ADAMTSL5: variants seen among roughly 807,000 people sequenced by gnomAD.
ADAMTSL5 encodes the protein ADAMTS like 5.
A neutral mutation model predicts 51.7 loss-of-function variants in ADAMTSL5; 53 were observed. That is an observed-to-expected ratio of 1.03 (90% CI 0.82 to 1.29). The LOEUF is 1.29. Among genes scored for constraint, ADAMTSL5 ranks in the 50% most tolerant of loss-of-function variants. The probability of loss-of-function intolerance (pLI) is 0.00; values close to 1 mark genes in which losing one functional copy is unlikely to be tolerated. For missense variants in ADAMTSL5, 770 were observed against 676.2 expected (o/e 1.14, Z -1.54); for synonymous variants, 285 against 278.7 (o/e 1.02, Z -0.23).
At position 1,506,786 on chromosome 19, in the gene ADAMTSL5, G is replaced by GGGGGCTGAGGCTCCACCCCCC; in HGVS notation, c.974_994dup (p.Arg325_Pro331dup). ...TGCAGGGGTGACAGCAGGGGCTGCG[G>GGGGGCTGAGGCTCCACCCCCC]GGGGCTGAGGCTCCACCCCCCGGGG... On this transcript the variant is annotated inframe_insertion, in exon 10 of 12. Coordinates refer to ENST00000330475, the MANE Select transcript of ADAMTSL5 (RefSeq NM_213604.3). This position sits in a 1 kb window ranked among gnomAD's most constrained non-coding sequence, Gnocchi z 5.6. 16 of 1,542,680 alleles carry GGGGGCTGAGGCTCCACCCCCC rather than the reference G, an allele frequency of 1.0e-5. No homozygotes were observed. The highest frequency in any genetic ancestry group is 1.2e-5 in the Non-Finnish European group (14 of 1,145,080).
At position 1,506,439 on chromosome 19, in the gene ADAMTSL5, C is replaced by G; in HGVS notation, c.1115-123G>C. The G allele has an allele frequency of 1.4e-6, 2 of 1,451,122 alleles. No individual in the cohort carries two copies. The highest frequency in any genetic ancestry group is 9.4e-7 in the Non-Finnish European group (1 of 1,062,334). The allele number at this position is 1,451,122 out of a possible 1,614,324, so 89.9% of individuals were successfully genotyped here. A position where few individuals can be genotyped will look rare whatever the true frequency, so the allele number is the denominator to read the frequency against. On this transcript the variant is annotated intron_variant, in intron 11 of 11. Transcript: ENST00000330475. This position sits in a 1 kb window ranked among gnomAD's most constrained non-coding sequence, Gnocchi z 5.6. ...CCTCGGGATCTATAGGGACTAGAGT[C>G]AGGATCACGTCAGGGATCAATGAGG...
rs1051819592 is a variant in ADAMTSL5 at position 1,512,573 on chromosome 19, G to A, written c.-218+390C>T. ...TGCACACCTGTAATCCCAGCTACTT[G>A]GGAGGCTAAGGCAGGAGAATCGCTT... On this transcript the variant is annotated intron_variant, in intron 1 of 11. Coordinates refer to ENST00000330475, the MANE Select transcript of ADAMTSL5 (RefSeq NM_213604.3). Among the ~76,000 whole-genome samples, 3 of 152,192 alleles carry A rather than the reference G, an allele frequency of 2.0e-5. No homozygotes were observed. In the East Asian group the frequency reaches 5.8e-4, roughly 29 times the overall value.
At chr19:1,511,889 G>C in intron 1 of ADAMTSL5, 1 of 282,584 alleles carries the variant, frequency 3.5e-6, no homozygotes, top group Non-Finnish European at 7.3e-6. Flanking sequence ...AGGTCCGTTC[G>C]GTGCCTCATG....
Position 1,510,849 on chromosome 19 carries a change from G to A in ADAMTSL5, c.95C>T (p.Ala32Val), listed in dbSNP as rs894222748. Reference protein sequence around the residue: ...ALLNCGLGVSAQGPGEWTPWV... With the variant: ...ALLNCGLGVSVQGPGEWTPWV... Reference sequence around the variant, plus strand: ...TGGGCTCATGCCCCCCCTTACCTGAGCACTGACCCCCAAACCACAGTTCAG... The same window carrying A: ...TGGGCTCATGCCCCCCCTTACCTGAACACTGACCCCCAAACCACAGTTCAG... Residue 32 changes from alanine (A) to valine (V), a missense_variant, in exon 2 of 12, where the codon GCT (alanine) becomes GTT (valine). Coordinates refer to ENST00000330475, the MANE Select transcript of ADAMTSL5 (RefSeq NM_213604.3). 1.3e-6 allele frequency: 2 copies of A among 1,546,482 alleles called. No individual in the cohort carries two copies. The highest frequency in any genetic ancestry group is 1.7e-6 in the Non-Finnish European group (2 of 1,153,156).
chr19:1,507,782 GTTACAA>G, intron 7 of ADAMTSL5, 139 bp from the exon 8 acceptor site: 2 of 1,029,658 alleles, frequency 1.9e-6, no homozygotes, highest in Non-Finnish European at 1.4e-6. Flanking sequence ...AACGTTTGGA[GTTACAA>G]TTACTATTGC....
rs375952762 is a variant in ADAMTSL5, at chr19:1,506,546, C to G, written c.1114+44G>C. 2 of 1,591,872 alleles carry G rather than the reference C, an allele frequency of 1.3e-6. No homozygotes were observed. The highest frequency in any genetic ancestry group is 4.5e-5 in the East Asian group (2 of 44,232). Reference sequence around the variant, plus strand: ...TTAGGGTCAGAGGTCAGGAGGAGGCCAGGTTAGTAGGGGCTAAGTCAGGGT... The same window carrying G: ...TTAGGGTCAGAGGTCAGGAGGAGGCGAGGTTAGTAGGGGCTAAGTCAGGGT... On this transcript the variant is annotated intron_variant, in intron 11 of 11. Transcript: ENST00000330475. This position sits in a 1 kb window ranked among gnomAD's most constrained non-coding sequence, Gnocchi z 5.6.
intron 6 of ADAMTSL5, 70 bp downstream of exon 6, chr19:1,508,373 T>C: frequency 8.8e-7 from 1 of 1,135,042 alleles, no homozygotes; most frequent in Non-Finnish European, 1.1e-6. Flanking sequence ...AGGGCGGAGG[T>C]GGAGCCTAGG....
chr19:1,507,387 C>T lies in ADAMTSL5; in HGVS notation c.707G>A (p.Gly236Glu). ...CCAGTGCCCATTAAGCACGTAGCGCCCATCGCCCCCCATCAGTGCTGCAAG... is the reference window on the plus strand; with the variant it reads ...CCAGTGCCCATTAAGCACGTAGCGCTCATCGCCCCCCATCAGTGCTGCAAG... ...RNHLALMGGDGRYVLNGHWVV... is the reference protein window; with the variant it reads ...RNHLALMGGDERYVLNGHWVV... The change falls in exon 9 of 12, where the codon GGG becomes GAG. Residue 236 changes from glycine to glutamate, a missense_variant. Gly to Glu is a moderately conservative substitution (Grantham distance 98, BLOSUM62 -2). Coordinates refer to ENST00000330475, the MANE Select transcript of ADAMTSL5 (RefSeq NM_213604.3). 1.9e-6 allele frequency: 3 copies of T among 1,572,928 alleles called. No individual in the cohort carries two copies. Among genetic ancestry groups the T allele is most frequent in the Non-Finnish European group, 2.6e-6 (3 of 1,158,660 alleles).
In ADAMTSL5 at chr19:1,510,729, C is replaced by A. The variant is rs1455174301; in HGVS notation, c.101G>T (p.Gly34Val). 1.3e-6 allele frequency: 2 copies of A among 1,537,102 alleles called. No homozygotes were observed. Among genetic ancestry groups the A allele is most frequent in the Non-Finnish European group, 1.8e-6 (2 of 1,139,356 alleles). The change falls in exon 3 of 12, where the codon GGT becomes GTT. Residue 34 changes from glycine (G) to valine (V), a missense_variant and splice_region_variant. Coordinates refer to ENST00000330475, the MANE Select transcript of ADAMTSL5 (RefSeq NM_213604.3). ...CACCCACGGGGTCCACTCGCCCGGA[C>A]CCTACTTGGGGAGACAGAGGCACGG... The part of the protein sequence containing the change: ...LNCGLGVSAQ[G>V]PGEWTPWVSW...
rs1488114886 is a variant in ADAMTSL5, at chr19:1,507,327, C to T, written c.767G>A (p.Gly256Asp). 1.9e-6 allele frequency: 3 copies of T among 1,595,274 alleles called. No homozygotes were observed. The highest frequency in any genetic ancestry group is 2.3e-5 in the South Asian group (2 of 88,704). The stretch of plus-strand genomic sequence containing the variant: ...GTCTCGGGTGTAGACCACATGCGTG[C>T]CGGCCGCCTCGTAGGTCCCTGGTGG... ...VSPPGTYEAA[G>D]THVVYTRDTG... Residue 256 changes from glycine (G) to aspartate (D), a missense_variant, in exon 9 of 12, where the codon GGC (glycine) becomes GAC (aspartate). Gly to Asp is a moderately conservative substitution (Grantham distance 94). Transcript: ENST00000330475.
chr19:1,512,611 C>G (rs2090681136), intron 1 of ADAMTSL5, among the ~76,000 whole-genome samples: 2 of 152,044 alleles, frequency 1.3e-5, no homozygotes, highest in Non-Finnish European at 2.9e-5. Flanking sequence ...ACCCAGGAGG[C>G]GGAGGTTGCA....
Position 1,506,643 on chromosome 19 carries a change from G to C in ADAMTSL5, c.1061C>G (p.Pro354Arg). 1 of 1,608,274 alleles carries C rather than the reference G, an allele frequency of 6.2e-7. No individual in the cohort carries two copies. Among genetic ancestry groups the C allele is most frequent in the Non-Finnish European group, 8.5e-7 (1 of 1,178,138 alleles). ...TCGGTGGGCGCGGCCGCGGGTGTCAGGGCAGGGTGGGCAGGGGTCTGTGGG... is the reference window on the plus strand; with the variant it reads ...TCGGTGGGCGCGGCCGCGGGTGTCACGGCAGGGTGGGCAGGGGTCTGTGGG... ...TLAPDPCPPCPDTRGRAHRLL... is the reference protein window; with the variant it reads ...TLAPDPCPPCRDTRGRAHRLL... The change falls in exon 11 of 12, where the codon CCT (proline) becomes CGT (arginine). Residue 354 changes from proline (P) to arginine (R), a missense_variant. Transcript: ENST00000330475. The surrounding 1 kb of genome is among the most constrained non-coding windows in gnomAD (Gnocchi z 5.6).
At chr19:1,507,062 G>T in intron 9 of ADAMTSL5, 134 bp from the exon 10 acceptor site, 2 of 1,276,770 alleles carry the variant, frequency 1.6e-6, no homozygotes, top group Non-Finnish European at 2.1e-6. Context: ...TCTGTCCCTA[G>T]CTGATCCCCT....
intron 9 of ADAMTSL5, 100 bp from the exon 10 acceptor site, chr19:1,507,028 C>A: frequency 7.4e-7 from 1 of 1,350,314 alleles, no homozygotes; most frequent in Non-Finnish European, 1.0e-6. Context: ...ATCCTGTCTG[C>A]CCCCAGCCTC....
In ADAMTSL5 at chr19:1,506,062, C is replaced by T. The variant is rs1317032326; in HGVS notation, c.1369G>A (p.Ala457Thr). ...HAGYARPWSP[A>T]EDSRIRLTAR... ...GTCAGGCGTATGCGGCTGTCCTCCG[C>T]AGGGCTCCAGGGCCGGGCGTAGCCG... The change falls in exon 12 of 12, where the codon GCG (alanine) becomes ACG (threonine). Residue 457 changes from alanine to threonine, a missense_variant. Coordinates refer to ENST00000330475, the MANE Select transcript of ADAMTSL5 (RefSeq NM_213604.3). The surrounding 1 kb of genome is among the most constrained non-coding windows in gnomAD (Gnocchi z 5.6). The T allele has an allele frequency of 2.5e-6, 4 of 1,593,484 alleles. No individual in the cohort carries two copies. Among genetic ancestry groups the T allele is most frequent in the Non-Finnish European group, 3.4e-6 (4 of 1,174,796 alleles).
At chr19:1,511,479 A>G in intron 1 of ADAMTSL5, 3 of 1,084,444 alleles carry the variant, frequency 2.8e-6, no homozygotes, top group Non-Finnish European at 3.5e-6. Flanking sequence ...AGCCTACAAT[A>G]TTATTGATAT....
At chr19:1,507,478 T>C in intron 8 of ADAMTSL5, 73 bp from the exon 9 acceptor site, 1 of 1,610,426 alleles carries the variant, frequency 6.2e-7, no homozygotes, top group Non-Finnish European at 8.5e-7. Flanking sequence ...TCCTCAGGCC[T>C]CAGTCTCCCC....
chr19:1,507,193 C>T, intron 9 of ADAMTSL5, 49 bp downstream of exon 9: 2 of 1,516,394 alleles, frequency 1.3e-6, no homozygotes, highest in Non-Finnish European at 1.8e-6. Context: ...AGCCTCTCCC[C>T]TCTGTCCCCA....
Position 1,508,076 on chromosome 19 carries a change from C to T in ADAMTSL5, c.523G>A (p.Ala175Thr), listed in dbSNP as rs760531759. ...AGCDGLLGSG[A>T]LEDRCGRCGG... Reference sequence around the variant, plus strand: ...CAGCGGCCACAGCGGTCCTCGAGGGCACCCGAGCCCAACAACCCATCACAG... The same window carrying T: ...CAGCGGCCACAGCGGTCCTCGAGGGTACCCGAGCCCAACAACCCATCACAG... Residue 175 changes from alanine (A) to threonine (T), a missense_variant, in exon 7 of 12, where the codon GCC becomes ACC. By Grantham distance (58) the Ala-to-Thr change is moderately conservative. Coordinates refer to ENST00000330475, the MANE Select transcript of ADAMTSL5 (RefSeq NM_213604.3). 3.1e-6 allele frequency: 5 copies of T among 1,610,482 alleles called. No homozygotes were observed. In the South Asian group the frequency reaches 5.5e-5, roughly 18 times the overall value.
Sources: gnomAD v4.1 joint callset for allele counts (sites outside exome capture counted in the v4.1 genomes callset) on GRCh38, gnomAD v4.1.1 for gene constraint, Gnocchi (gnomAD v3.1) non-coding constraint, MANE v1.5 for transcripts, NCBI Gene and HGNC (gene_info 2026-07-23, HGNC 2026-07-21) for gene names.